Variants in GDAP2 observed in about 807,000 individuals in gnomAD.
The protein encoded by GDAP2 is ganglioside induced differentiation associated protein 2.
In GDAP2, 51 loss-of-function variants were observed where a neutral mutation model predicts 67.0. That is an observed-to-expected ratio of 0.76 (90% CI 0.61 to 0.96). The LOEUF is 0.96. GDAP2 is among the 40% of genes least tolerant of loss of function. GDAP2 has a pLI of 0.00. For missense variants in GDAP2, 547 were observed against 588.3 expected (o/e 0.93, Z 0.73); for synonymous variants, 203 against 207.3 (o/e 0.98, Z 0.18).
At chr1:117,877,754 C>T (rs1020692095) in intron 13 of GDAP2, 14 of 1,187,246 alleles carry the variant, frequency 1.2e-5, no homozygotes, top group African/African-American at 6.3e-5. Context: ...ACAATACAAA[C>T]GAAAATTGGT....
At chr1:117,900,842 C>G (rs901139174) in intron 6 of GDAP2, among the ~76,000 whole-genome samples, 1 of 151,256 alleles carries the variant, frequency 6.6e-6, no homozygotes, top group Non-Finnish European at 1.5e-5. Context: ...GGACAGATCA[C>G]GAAGTCAGGA....
At chr1:117,890,104 A>G (rs1649016224) in intron 8 of GDAP2, among the ~76,000 whole-genome samples, 1 of 152,152 alleles carries the variant, frequency 6.6e-6, no homozygotes, top group Admixed American at 6.6e-5. Context: ...TTAACTTTGT[A>G]ATAAGAACAA....
At chr1:117,892,175 G>A (rs1357860106) in intron 8 of GDAP2, among the ~76,000 whole-genome samples, 1 of 152,046 alleles carries the variant, frequency 6.6e-6, no homozygotes, top group Non-Finnish European at 1.5e-5. Flanking sequence ...TTAAGTCTCT[G>A]CCATTACCAC....
Position 117,912,628 on chromosome 1 carries a change from G to A in GDAP2, c.372C>T (p.Phe124=). The change falls in exon 4 of 14, where the codon TTC becomes TTT. Residue 124 remains phenylalanine, a synonymous_variant. Coordinates refer to ENST00000369443, the MANE Select transcript of GDAP2 (RefSeq NM_017686.4). ...LTKGFNLAAR[F]IIHTVGPKYK... is the part of the protein sequence containing the mutation. ...ATTTAGGTCCCACTGTGTGAATGAT[G>A]AACCGGGCAGCTAGATTGAATCCTT... The A allele has an allele frequency of 1.9e-6, 3 of 1,613,470 alleles. No individual in the cohort carries two copies. The highest frequency in any genetic ancestry group is 2.5e-6 in the Non-Finnish European group (3 of 1,179,448).
rs532732817 is a variant in GDAP2 at position 117,891,914 on chromosome 1, T to C, written c.954-4140A>G. On this transcript the variant is annotated intron_variant, in intron 8 of 13. Coordinates refer to ENST00000369443, the MANE Select transcript of GDAP2 (RefSeq NM_017686.4). ...TTTGTCCATAGTGTGAACACAGAAT[T>C]AGTATAAACTCTAAAATGTTTAAAC... Among the ~76,000 whole-genome samples, 3 of 152,278 alleles carry C rather than the reference T, an allele frequency of 2.0e-5. No individual in the cohort carries two copies. In the East Asian group the frequency reaches 5.8e-4, roughly 29 times the overall value.
chr1:117,863,735 G>A lies in GDAP2; in HGVS notation c.*6834C>T, dbSNP rs1450798290. ...ATGTTTTATAAAAGCATGCGCTTTGGAGTCAGATCTGGATTTGAATCCTGA... is the reference window on the plus strand; with the variant it reads ...ATGTTTTATAAAAGCATGCGCTTTGAAGTCAGATCTGGATTTGAATCCTGA... On this transcript the variant is annotated 3_prime_UTR_variant, in exon 14 of 14. Coordinates refer to ENST00000369443, the MANE Select transcript of GDAP2 (RefSeq NM_017686.4). 6.6e-6 allele frequency: 1 copy of A among 152,130 alleles called. No homozygotes were observed. Among genetic ancestry groups the A allele is most frequent in the Non-Finnish European group, 1.5e-5 (1 of 68,032 alleles). The allele number at this position is 152,130 out of a possible 1,614,324, so 9.4% of individuals were successfully genotyped here.
intron 2 of GDAP2, among the ~76,000 whole-genome samples, chr1:117,919,539 C>T (rs113684049): frequency 0.014 from 2,072 of 152,020 alleles, 38 homozygotes; most frequent in South Asian, 0.093. Context: ...TCAGTGGTTG[C>T]CCAGAGGGAT....
Position 117,867,229 on chromosome 1 carries a change from G to A in GDAP2, c.*3340C>T, listed in dbSNP as rs2101110750. ...ACAGAAAAGAAGAGGAAATAGGCAA[G>A]CCATGTTTTTCTACTAGAGTGACTA... On this transcript the variant is annotated 3_prime_UTR_variant, in exon 14 of 14. Coordinates refer to ENST00000369443, the MANE Select transcript of GDAP2 (RefSeq NM_017686.4). The A allele has an allele frequency of 6.6e-6, 1 of 152,164 alleles. No homozygotes were observed. Among genetic ancestry groups the A allele is most frequent in the Middle Eastern group, 3.4e-3 (1 of 294 alleles). 9.4% of individuals were successfully genotyped at this position (152,164 alleles called of 1,614,324 possible).
chr1:117,887,731 C>T lies in GDAP2; in HGVS notation c.997G>A (p.Asp333Asn), dbSNP rs530842314. 6.3e-7 allele frequency: 1 copy of T among 1,579,826 alleles called. No individual in the cohort carries two copies. Among genetic ancestry groups the T allele is most frequent in the East Asian group, 2.2e-5 (1 of 44,534 alleles). ...LCQARSEDLS[D>N]IASLKALYQT... ...TATAAGGCTTTTAGAGAAGCAATATCAGACAGATCCTCAGATCTTGCTTGA... is the reference window on the plus strand; with the variant it reads ...TATAAGGCTTTTAGAGAAGCAATATTAGACAGATCCTCAGATCTTGCTTGA... The change falls in exon 9 of 14, where the codon GAT becomes AAT. Residue 333 changes from aspartate (D) to asparagine (N), a missense_variant. Coordinates refer to ENST00000369443, the MANE Select transcript of GDAP2 (RefSeq NM_017686.4).
At chr1:117,918,474 A>C in intron 3 of GDAP2, 123 bp downstream of exon 3, 2 of 666,888 alleles carry the variant, frequency 3.0e-6, no homozygotes, top group South Asian at 3.8e-5. Context: ...GTTTTTATTT[A>C]GTTTTAACAA....
chr1:117,882,524 T>C (rs1648689691), intron 11 of GDAP2, among the ~76,000 whole-genome samples: 1 of 152,130 alleles, frequency 6.6e-6, no homozygotes, highest in Non-Finnish European at 1.5e-5. Context: ...TACGTGTGCC[T>C]GAGATTTTTT....
chr1:117,904,855 C>A (rs1268151347), intron 6 of GDAP2, among the ~76,000 whole-genome samples: 1 of 152,240 alleles, frequency 6.6e-6, no homozygotes, highest in African/African-American at 2.4e-5. Flanking sequence ...CGCTGAGCCT[C>A]TGCCCTGATG....
chr1:117,896,696 G>A (rs1649275249), intron 8 of GDAP2, 137 bp downstream of exon 8: 4 of 566,728 alleles, frequency 7.1e-6, no homozygotes, highest in South Asian at 3.7e-5. Flanking sequence ...AAATGAGGAC[G>A]ATATCTTCCT....
intron 1 of GDAP2, among the ~76,000 whole-genome samples, chr1:117,922,844 CG>C (rs1257832462): frequency 6.6e-6 from 1 of 152,204 alleles, no homozygotes; most frequent in African/African-American, 2.4e-5. Flanking sequence ...GACTAGAATT[CG>C]CCAGGCTGGA....
At chr1:117,890,039 G>C (rs778527482) in intron 8 of GDAP2, among the ~76,000 whole-genome samples, 11 of 152,042 alleles carry the variant, frequency 7.2e-5, no homozygotes, top group South Asian at 2.1e-4. Context: ...ATTAAAAAAG[G>C]CTCTTGAGTT....
In GDAP2 at chr1:117,921,922, G is replaced by C. The variant is rs144404317; in HGVS notation, c.-67-1498C>G. ...AAGACTTAAGAATATAGACAGTAGGGAGAAAGAGCAGAACCAAAGATAACT... is the reference window on the plus strand; with the variant it reads ...AAGACTTAAGAATATAGACAGTAGGCAGAAAGAGCAGAACCAAAGATAACT... On this transcript the variant is annotated intron_variant, in intron 1 of 13. Transcript: ENST00000369443. Among the ~76,000 whole-genome samples the C allele has an allele frequency of 3.9e-4, 60 of 152,266 alleles. No individual in the cohort carries two copies. In the East Asian group the frequency reaches 0.011, roughly 27 times the overall value.
intron 1 of GDAP2, among the ~76,000 whole-genome samples, chr1:117,922,980 T>C (rs1288257852): frequency 6.6e-6 from 1 of 152,220 alleles, no homozygotes; most frequent in Non-Finnish European, 1.5e-5. Context: ...TGGGAATGCA[T>C]TCTTTTCCCA....
At chr1:117,927,258 G>C (rs546495649) in intron 1 of GDAP2, among the ~76,000 whole-genome samples, 1 of 151,704 alleles carries the variant, frequency 6.6e-6, no homozygotes, top group Non-Finnish European at 1.5e-5. Context: ...TTTAGTTTAA[G>C]AAGTCCTTTA....
At chr1:117,873,624 A>G (rs1320012509) in intron 13 of GDAP2, among the ~76,000 whole-genome samples, 1 of 152,094 alleles carries the variant, frequency 6.6e-6, no homozygotes, top group Non-Finnish European at 1.5e-5. Flanking sequence ...CATTTCAATG[A>G]CTGATGGGGC....
Sources: gnomAD v4.1 joint callset for allele counts (sites outside exome capture counted in the v4.1 genomes callset) on GRCh38, gnomAD v4.1.1 for gene constraint, MANE v1.5 for transcripts, NCBI Gene and HGNC (gene_info 2026-07-23, HGNC 2026-07-21) for gene names.